NEDD4: variants seen among roughly 807,000 people sequenced by gnomAD.
The protein encoded by NEDD4 is NEDD4 E3 ubiquitin protein ligase.
NEDD4 carries 99 observed loss-of-function variants against 144.9 expected under a neutral mutation model. The observed-to-expected ratio is 0.68, with a 90% CI of 0.58 to 0.81. The LOEUF (loss-of-function observed/expected upper bound fraction) is 0.81, where lower values mean the gene tolerates loss of function less well. Among genes scored for constraint, NEDD4 ranks in the 30% least tolerant of loss-of-function variants. The pLI, the probability that NEDD4 is intolerant of heterozygous loss-of-function variation, is 0.00. For missense variants in NEDD4, 985 were observed against 1,065.9 expected, an observed-to-expected ratio of 0.92 and a Z score of 1.06; for synonymous variants, 318 against 350.6, an observed-to-expected ratio of 0.91 and a Z score of 1.04.
chr15:55,864,721 A>G (rs1456383760), intron 8 of NEDD4, among the ~76,000 whole-genome samples: 2 of 152,034 alleles, frequency 1.3e-5, no homozygotes, highest in African/African-American at 2.4e-5. Context: ...GGCAACTCTC[A>G]AGTTCAACAG....
In NEDD4 at chr15:55,951,475, G is replaced by A. The variant is rs1466783099; in HGVS notation, c.198+36C>T. On this transcript the variant is annotated intron_variant, in intron 3 of 28. Coordinates refer to ENST00000435532, the MANE Select transcript of NEDD4 (RefSeq NM_006154.4). ...TTTTGTCTTATAAAAATAAAACAAA[G>A]TACATTAAAAACTTTTGAATATTGC... The A allele has an allele frequency of 1.4e-5, 20 of 1,428,258 alleles. No individual in the cohort carries two copies. The East Asian group carries it at 4.8e-4, about 34-fold the overall frequency. The allele number at this position is 1,428,258 out of a possible 1,614,324, so 88.5% of individuals were successfully genotyped here. A position where few individuals can be genotyped will look rare whatever the true frequency, so the allele number is the denominator to read the frequency against.
At chr15:55,896,681 G>T (rs986568302) in intron 5 of NEDD4, among the ~76,000 whole-genome samples, 3 of 152,090 alleles carry the variant, frequency 2.0e-5, no homozygotes, top group Non-Finnish European at 2.9e-5. Flanking sequence ...GTTCAGGAGG[G>T]TATTTCTGGT....
At chr15:55,953,750 C>G (rs2037287571) in intron 2 of NEDD4, among the ~76,000 whole-genome samples, 2 of 150,292 alleles carry the variant, frequency 1.3e-5, no homozygotes, top group South Asian at 4.2e-4. Context: ...CTTAAACTCT[C>G]TTGCTCTGTC....
chr15:55,830,604 T>C lies in NEDD4; in HGVS notation c.2528-18A>G, dbSNP rs771520967. ...ATTTGAACCTATAAGGAAGAATTTA[T>C]TTGGTTTCATTTACTCTCTACAAGG... On this transcript the variant is annotated intron_variant, in intron 27 of 28. Coordinates refer to ENST00000435532, the MANE Select transcript of NEDD4 (RefSeq NM_006154.4). 34 of 1,608,512 alleles carry C rather than the reference T, an allele frequency of 2.1e-5. No individual in the cohort carries two copies. In the Admixed American group the frequency reaches 5.7e-4, roughly 27 times the overall value.
chr15:55,923,659 A>AAATATATATAT (rs546642962), intron 5 of NEDD4, among the ~76,000 whole-genome samples: 5 of 135,268 alleles, frequency 3.7e-5, no homozygotes, highest in African/African-American at 1.1e-4. Flanking sequence ...AAAAAAAAAA[A>AAATATATATAT]ATATATATAT....
intron 1 of NEDD4, among the ~76,000 whole-genome samples, chr15:55,975,018 G>A (rs531066394): frequency 1.3e-5 from 2 of 148,900 alleles, no homozygotes. Context: ...TCAGCCTCCC[G>A]ACTAGCTGGG....
At chr15:55,916,529 C>G (rs557241574) in intron 5 of NEDD4, 1 of 1,614,080 alleles carries the variant, frequency 6.2e-7, no homozygotes, top group Non-Finnish European at 8.5e-7. Flanking sequence ...CATTGCTAGA[C>G]TGAAGATATC....
chr15:55,915,907 T>TC, intron 5 of NEDD4: 1 of 1,613,992 alleles, frequency 6.2e-7, no homozygotes, highest in Non-Finnish European at 8.5e-7. Flanking sequence ...CCATCCTCAT[T>TC]ATGTGCAATT....
At chr15:55,865,794 G>T (rs1304407950) in intron 8 of NEDD4, among the ~76,000 whole-genome samples, 1 of 152,102 alleles carries the variant, frequency 6.6e-6, no homozygotes, top group Non-Finnish European at 1.5e-5. Flanking sequence ...ATGTTTTTTG[G>T]TAGCAGGGAG....
At chr15:55,874,122 C>A in intron 5 of NEDD4, 114 bp from the exon 6 acceptor site, 1 of 515,354 alleles carries the variant, frequency 1.9e-6, no homozygotes, top group Non-Finnish European at 3.5e-6. Context: ...TTTATTCAGT[C>A]ATATGCAGCA....
At chr15:55,893,823 A>T (rs1315868903) in intron 5 of NEDD4, among the ~76,000 whole-genome samples, 1 of 149,130 alleles carries the variant, frequency 6.7e-6, no homozygotes, top group Non-Finnish European at 1.5e-5. Context: ...AGATAGAAAA[A>T]AGGCTCACAA....
chr15:55,843,349 T>A (rs528274163), intron 18 of NEDD4, among the ~76,000 whole-genome samples: 1 of 152,334 alleles, frequency 6.6e-6, no homozygotes, highest in Admixed American at 6.5e-5. Flanking sequence ...ATTTTACACA[T>A]AAAACTGAAG....
intron 5 of NEDD4, among the ~76,000 whole-genome samples, chr15:55,899,182 CTTTT>C (rs2035833110): frequency 6.6e-6 from 1 of 152,064 alleles, no homozygotes; most frequent in Non-Finnish European, 1.5e-5. Context: ...TTTTCTTCTT[CTTTT>C]TAATTCTCTC....
chr15:55,924,650 C>T lies in NEDD4; in HGVS notation c.287G>A (p.Arg96Gln), dbSNP rs533545058. 6.0e-5 allele frequency: 96 copies of T among 1,608,300 alleles called. No individual in the cohort carries two copies. The highest frequency in any genetic ancestry group is 3.3e-4 in the Middle Eastern group (2 of 6,078). Residue 96 changes from arginine to glutamine, a missense_variant, in exon 5 of 29, where the codon CGA becomes CAA. Physicochemically the swap from Arg to Gln is conservative, Grantham distance 43. Transcript: ENST00000435532. ...TATAAGCACAATATAACTTACCAAT[C>T]GGTTTTCGTCAAACACTTCAAAAAG... Reference protein sequence around the residue: ...RLLFEVFDENRLTRDDFLGQV... With the variant: ...RLLFEVFDENQLTRDDFLGQV...
chr15:55,948,150 A>C (rs993610416), intron 4 of NEDD4, among the ~76,000 whole-genome samples: 1 of 152,196 alleles, frequency 6.6e-6, no homozygotes, highest in East Asian at 1.9e-4. Context: ...ATTCTTATAC[A>C]TCAATTACAG....
chr15:55,977,439 T>C (rs2037724499), intron 1 of NEDD4, among the ~76,000 whole-genome samples: 1 of 152,228 alleles, frequency 6.6e-6, no homozygotes, highest in Non-Finnish European at 1.5e-5. Context: ...ATGATGAAAT[T>C]GCCTAATGAC....
At chr15:55,883,857 A>G (rs1161130003) in intron 5 of NEDD4, among the ~76,000 whole-genome samples, 2 of 150,350 alleles carry the variant, frequency 1.3e-5, no homozygotes, top group African/African-American at 4.9e-5. Flanking sequence ...TCCAGATGTC[A>G]TCCAAGACCA....
intron 12 of NEDD4, 107 bp from the exon 13 acceptor site, chr15:55,852,650 C>G: frequency 1.3e-6 from 1 of 748,660 alleles, no homozygotes; most frequent in Non-Finnish European, 2.1e-6. Flanking sequence ...CCCAAGCAAC[C>G]ACTCATCTGC....
intron 5 of NEDD4, chr15:55,905,395 A>C (rs926893099): frequency 7.3e-6 from 3 of 410,206 alleles, no homozygotes; most frequent in Non-Finnish European, 1.4e-5. Flanking sequence ...CCACCAGTTG[A>C]AAAGCCCAAC....
Sources: gnomAD v4.1 joint callset for allele counts (sites outside exome capture counted in the v4.1 genomes callset) on GRCh38, gnomAD v4.1.1 for gene constraint, MANE v1.5 for transcripts, NCBI Gene and HGNC (gene_info 2026-07-23, HGNC 2026-07-21) for gene names.